Variants in B4GALT6 observed in about 807,000 individuals in gnomAD.
B4GALT6 encodes the protein beta-1,4-galactosyltransferase 6, also known as UDP-Gal:beta-GlcNAc beta-1,4-galactosyltransferase 6.
B4GALT6 carries 14 observed loss-of-function variants against 46.3 expected under a neutral mutation model. The observed-to-expected ratio is 0.30, with a 90% confidence interval of 0.20 to 0.47. The LOEUF is 0.47. Among genes scored for constraint, B4GALT6 ranks in the 20% least tolerant of loss-of-function variants. The pLI is 0.99. For synonymous variants in B4GALT6, 168 were observed against 162.0 expected (o/e 1.04, Z -0.28); for missense variants, 386 against 480.1 (o/e 0.80, Z 1.83).
chr18:31,692,611 A>G, the B4GALT6 span, among the ~76,000 whole-genome samples: 2 of 152,228 alleles, frequency 1.3e-5, no homozygotes, highest in African/African-American at 4.8e-5. Flanking sequence ...TATCTTAAAC[A>G]AGTTACATCA....
the B4GALT6 span, among the ~76,000 whole-genome samples, chr18:31,705,926 C>T: frequency 0.013 from 2,015 of 152,294 alleles, 56 homozygotes; most frequent in African/African-American, 0.046. Context: ...ACTCTTTAAA[C>T]CAGTTTGTCA....
chr18:31,713,124 G>A, the B4GALT6 span, among the ~76,000 whole-genome samples: 2 of 152,124 alleles, frequency 1.3e-5, no homozygotes, highest in South Asian at 2.1e-4. Flanking sequence ...AGTCTGAGGC[G>A]GGTGGATTAC....
At chr18:31,651,056 G>A (rs891768404) in intron 3 of B4GALT6, among the ~76,000 whole-genome samples, 7 of 151,906 alleles carry the variant, frequency 4.6e-5, no homozygotes, top group East Asian at 1.9e-4. Context: ...GTGAGCCACC[G>A]CGCCCAGCCC....
intron 6 of B4GALT6, among the ~76,000 whole-genome samples, chr18:31,629,882 T>C (rs1332753890): frequency 6.8e-6 from 1 of 148,130 alleles, no homozygotes; most frequent in African/African-American, 2.5e-5. Context: ...GAGAACCAGA[T>C]TGTGAACCTT....
the B4GALT6 span, among the ~76,000 whole-genome samples, chr18:31,707,675 G>C: frequency 1.3e-5 from 2 of 152,090 alleles, no homozygotes; most frequent in African/African-American, 4.8e-5. Flanking sequence ...AAGGACAGAA[G>C]CTCCTAGGCA....
At position 31,622,682 on chromosome 18, in the gene B4GALT6, CTG is replaced by C. The variant is rs1182483688; in HGVS notation, c.*2930_*2931del. On this transcript the variant is annotated 3_prime_UTR_variant, in exon 9 of 9. Transcript: ENST00000306851. Reference sequence around the variant, plus strand: ...ATATAAGGAAATTTTTAATACATAACTGTATCTACTTAATATTATAAAGTTTT... The same window carrying C: ...ATATAAGGAAATTTTTAATACATAACTATCTACTTAATATTATAAAGTTTT... 6.6e-6 allele frequency: 1 copy of C among 152,094 alleles called. No individual in the cohort carries two copies. The highest frequency in any genetic ancestry group is 2.4e-5 in the African/African-American group (1 of 41,542). The allele number at this position is 152,094 out of a possible 1,614,324, so 9.4% of individuals were successfully genotyped here.
At chr18:31,665,567 G>A (rs982187620) in intron 2 of B4GALT6, among the ~76,000 whole-genome samples, 1 of 151,840 alleles carries the variant, frequency 6.6e-6, no homozygotes, top group Non-Finnish European at 1.5e-5. Flanking sequence ...GTGAAACCCC[G>A]TCTCTATCAA....
At chr18:31,673,771 C>A (rs2074384654) in intron 1 of B4GALT6, among the ~76,000 whole-genome samples, 1 of 152,166 alleles carries the variant, frequency 6.6e-6, no homozygotes. Context: ...ATTCCCAGAA[C>A]CTGTGAATGT....
At chr18:31,628,432 T>C (rs1055990612) in intron 6 of B4GALT6, among the ~76,000 whole-genome samples, 2 of 152,252 alleles carry the variant, frequency 1.3e-5, no homozygotes, top group African/African-American at 4.8e-5. Context: ...TATTGACATG[T>C]ATAAATCAGC....
In B4GALT6 at chr18:31,673,268, T is replaced by G. The variant is rs1451682103; in HGVS notation, c.116-6896A>C. Among the ~76,000 whole-genome samples the G allele has an allele frequency of 2.0e-5, 3 of 150,050 alleles. No homozygotes were observed. In the East Asian group the frequency reaches 5.9e-4, roughly 29 times the overall value. On this transcript the variant is annotated intron_variant, in intron 1 of 8. Transcript: ENST00000306851. Reference sequence around the variant, plus strand: ...TAGGAAGGGTCAAGCAGATGGAGAGTTTAAAAAAAAACAAAGGAGAGTGAA... The same window carrying G: ...TAGGAAGGGTCAAGCAGATGGAGAGGTTAAAAAAAAACAAAGGAGAGTGAA...
chr18:31,665,729 G>A (rs777699678), intron 2 of B4GALT6, among the ~76,000 whole-genome samples: 21 of 152,124 alleles, frequency 1.4e-4, no homozygotes, highest in Non-Finnish European at 2.6e-4. Context: ...GCAACAGAGC[G>A]AGACTCTGTC....
Position 31,627,082 on chromosome 18 carries a change from C to T in B4GALT6, c.816G>A (p.Leu272=). ...YKEFFGGVSG[L]TVEQFRKING... ...TGATCTTTCTAAATTGTTCCACTGT[C>T]AGCCCACTTACACCACCAAAAAATT... The change falls in exon 7 of 9, where the codon CTG becomes CTA. Residue 272 remains leucine (L), a synonymous_variant. Transcript: ENST00000306851. 1 of 1,610,650 alleles carries T rather than the reference C, an allele frequency of 6.2e-7. No homozygotes were observed. Among genetic ancestry groups the T allele is most frequent in the South Asian group, 1.1e-5 (1 of 90,116 alleles).
the B4GALT6 span, among the ~76,000 whole-genome samples, chr18:31,698,397 G>A: frequency 8.6e-4 from 130 of 151,946 alleles, no homozygotes; most frequent in Non-Finnish European, 7.8e-4. Flanking sequence ...TTGGGAGGCC[G>A]AGCAGGCAGA....
chr18:31,722,105 G>C, the B4GALT6 span, among the ~76,000 whole-genome samples: 1 of 152,024 alleles, frequency 6.6e-6, no homozygotes, highest in African/African-American at 2.4e-5. Flanking sequence ...GCCCTTTACT[G>C]AAGTATTTAA....
intron 3 of B4GALT6, among the ~76,000 whole-genome samples, chr18:31,647,386 T>TC (rs1365153449): frequency 1.3e-5 from 2 of 152,194 alleles, no homozygotes; most frequent in African/African-American, 4.8e-5. Flanking sequence ...TTTATTTCTT[T>TC]CCCTCAATAG....
intron 4 of B4GALT6, among the ~76,000 whole-genome samples, chr18:31,639,717 A>G (rs975060168): frequency 1.3e-5 from 2 of 152,184 alleles, no homozygotes; most frequent in African/African-American, 2.4e-5. Context: ...AAACATGTAC[A>G]TGGAAATGAA....
chr18:31,642,646 C>T (rs1285790739), intron 4 of B4GALT6, among the ~76,000 whole-genome samples: 1 of 152,252 alleles, frequency 6.6e-6, no homozygotes, highest in Non-Finnish European at 1.5e-5. Flanking sequence ...CTGCGCAGAT[C>T]TTCTACTTAA....
chr18:31,631,266 C>G (rs2073786798), intron 5 of B4GALT6, 120 bp from the exon 6 acceptor site: 1 of 1,070,646 alleles, frequency 9.3e-7, no homozygotes, highest in African/African-American at 1.7e-5. Flanking sequence ...GTTGGCCAGG[C>G]TGGTCTCGAA....
At chr18:31,681,235 G>A (rs2074476400) in intron 1 of B4GALT6, among the ~76,000 whole-genome samples, 1 of 152,190 alleles carries the variant, frequency 6.6e-6, no homozygotes, top group African/African-American at 2.4e-5. Flanking sequence ...TATTAATAAA[G>A]GTTTCCTATT....
Sources: gnomAD v4.1 joint callset for allele counts (sites outside exome capture counted in the v4.1 genomes callset) on GRCh38, gnomAD v4.1.1 for gene constraint, MANE v1.5 for transcripts, NCBI Gene and HGNC (gene_info 2026-07-23, HGNC 2026-07-21) for gene names.